Variants in UBE2D4 observed in about 807,000 individuals in gnomAD.
The protein encoded by UBE2D4 is ubiquitin-conjugating enzyme E2 D4.
Under a neutral mutation model 23.0 loss-of-function variants are expected in UBE2D4, and 17 were observed. That is an observed-to-expected ratio of 0.74 (90% confidence interval 0.51 to 1.11). The LOEUF is 1.11. UBE2D4 is among the 50% of genes least tolerant of loss of function. The pLI is 0.00. For synonymous variants in UBE2D4, 61 were observed against 69.4 expected, an observed-to-expected ratio of 0.88 and a Z score of 0.60; for missense variants, 139 against 181.8, an observed-to-expected ratio of 0.76 and a Z score of 1.35.
At chr7:43,930,423 G>T (rs2095942788) in intron 1 of UBE2D4, among the ~76,000 whole-genome samples, 1 of 152,126 alleles carries the variant, frequency 6.6e-6, no homozygotes, top group African/African-American at 2.4e-5. Context: ...GTTTCAAATT[G>T]AATATTTTTA....
intron 1 of UBE2D4, 59 bp from the exon 2 acceptor site, chr7:43,938,372 G>A (rs1012717596): frequency 9.2e-6 from 14 of 1,527,816 alleles, no homozygotes; most frequent in Admixed American, 1.7e-5. Flanking sequence ...ACCAAGATTG[G>A]TATGTAGAGG....
At chr7:43,952,251 T>A (rs990773769) in intron 6 of UBE2D4, 4 of 205,792 alleles carry the variant, frequency 1.9e-5, no homozygotes, top group African/African-American at 6.9e-5. Flanking sequence ...GTAGGCAGAT[T>A]CCCAAGCCCT....
intron 1 of UBE2D4, among the ~76,000 whole-genome samples, chr7:43,938,063 A>G (rs894108547): frequency 6.6e-6 from 1 of 152,008 alleles, no homozygotes; most frequent in African/African-American, 2.4e-5. Flanking sequence ...CTTTTCTTCC[A>G]TATCTTCAGC....
Position 43,942,822 on chromosome 7 carries a change from G to A in UBE2D4, c.89-4G>A, listed in dbSNP as rs1349192122. ...TACATGCCCGTCTCTCTTTTGTTTT[G>A]TAGTGTTCCACTGGCAGGCCACCAT... On this transcript the variant is annotated splice_polypyrimidine_tract_variant and splice_region_variant and intron_variant, in intron 2 of 6. Transcript: ENST00000222402. The A allele has an allele frequency of 2.5e-6, 4 of 1,614,014 alleles. No homozygotes were observed. The African/African-American group carries it at 4.0e-5, about 16-fold the overall frequency.
chr7:43,948,556 G>C (rs1015265412), intron 4 of UBE2D4, 76 bp from the exon 5 acceptor site: 1 of 973,120 alleles, frequency 1.0e-6, no homozygotes, highest in African/African-American at 1.6e-5. Context: ...CCCAGCAGCA[G>C]CTGCTTCTGC....
rs762312888 is a variant in UBE2D4 at position 43,926,524 on chromosome 7, C to A, written c.-9C>A. 2.0e-6 allele frequency: 3 copies of A among 1,532,250 alleles called. No individual in the cohort carries two copies. The highest frequency in any genetic ancestry group is 1.4e-5 in the African/African-American group (1 of 70,298). The allele number at this position is 1,532,250 out of a possible 1,614,324, so 94.9% of individuals were successfully genotyped here. Reference sequence around the variant, plus strand: ...GCCGGGCCGCCCGGGTCCCCGGCAGCGGGGTAGGATGGCGCTAAAGCGGAT... The same window carrying A: ...GCCGGGCCGCCCGGGTCCCCGGCAGAGGGGTAGGATGGCGCTAAAGCGGAT... On this transcript the variant is annotated 5_prime_UTR_variant, in exon 1 of 7. Coordinates refer to ENST00000222402, the MANE Select transcript of UBE2D4 (RefSeq NM_015983.4).
At chr7:43,949,088 C>T (rs2095995432) in intron 5 of UBE2D4, 1 of 365,550 alleles carries the variant, frequency 2.7e-6, no homozygotes, top group Non-Finnish European at 4.9e-6. Context: ...ATCTAATAAG[C>T]ACAAAACGGA....
At position 43,927,502 on chromosome 7, in the gene UBE2D4, G is replaced by A. The variant is rs116873873; in HGVS notation, c.24+946G>A. On this transcript the variant is annotated intron_variant, in intron 1 of 6. Coordinates refer to ENST00000222402, the MANE Select transcript of UBE2D4 (RefSeq NM_015983.4). ...TTATTTTTTGTAGAGACAGTGTCTC[G>A]ATATGTTGCCCAGGCTGGTCTCATA... Among the ~76,000 whole-genome samples, 1,109 of 152,032 alleles carry A rather than the reference G, an allele frequency of 7.3e-3. 52 individuals carry two copies. The East Asian group carries it at 0.096, about 13-fold the overall frequency.
Position 43,952,704 on chromosome 7 carries a change from G to A in UBE2D4, c.*9G>A. On this transcript the variant is annotated 3_prime_UTR_variant, in exon 7 of 7. Coordinates refer to ENST00000222402, the MANE Select transcript of UBE2D4 (RefSeq NM_015983.4). The stretch of plus-strand genomic sequence containing the variant: ...AAAAATATGCTATGTAAGTGCCTTG[G>A]AGGTTTTACATGAGACACTGTCCAA... 1.9e-6 allele frequency: 3 copies of A among 1,611,756 alleles called. No homozygotes were observed. The highest frequency in any genetic ancestry group is 2.5e-6 in the Non-Finnish European group (3 of 1,177,924).
chr7:43,942,457 A>G (rs1302236425), intron 2 of UBE2D4: 3 of 409,252 alleles, frequency 7.3e-6, no homozygotes, highest in Non-Finnish European at 1.4e-5. Context: ...CTGAATACGG[A>G]GGCTCCAGTG....
intron 6 of UBE2D4, chr7:43,952,414 T>C: frequency 4.2e-6 from 2 of 474,080 alleles, no homozygotes; most frequent in South Asian, 2.6e-5. Context: ...CAGATAGTTA[T>C]GGAGAATCAA....
chr7:43,931,830 T>C (rs1043179129), intron 1 of UBE2D4, among the ~76,000 whole-genome samples: 1 of 151,798 alleles, frequency 6.6e-6, no homozygotes, highest in Non-Finnish European at 1.5e-5. Context: ...TCTGGAGTAG[T>C]GTGTGCCACC....
At chr7:43,950,776 T>C in intron 6 of UBE2D4, 84 bp downstream of exon 6, 2 of 1,133,508 alleles carry the variant, frequency 1.8e-6, no homozygotes, top group Non-Finnish European at 2.6e-6. Context: ...CTGGTGCTTC[T>C]AGGCTGCAGG....
At chr7:43,928,041 C>T in intron 1 of UBE2D4, 1 of 454,052 alleles carries the variant, frequency 2.2e-6, no homozygotes, top group Non-Finnish European at 4.4e-6. Context: ...GTGCCAGCAT[C>T]TGCTTCTGGT....
intron 4 of UBE2D4, 116 bp downstream of exon 4, chr7:43,943,147 A>G (rs1296385516): frequency 1.1e-5 from 11 of 993,890 alleles, no homozygotes; most frequent in Non-Finnish European, 1.4e-5. Flanking sequence ...CTGAGGGCCC[A>G]CTGCTCCACC....
chr7:43,948,693 A>C lies in UBE2D4; in HGVS notation c.260A>C (p.Asp87Ala). 1 of 1,613,884 alleles carries C rather than the reference A, an allele frequency of 6.2e-7. No homozygotes were observed. Among genetic ancestry groups the C allele is most frequent in the Non-Finnish European group, 8.5e-7 (1 of 1,179,946 alleles). The change falls in exon 5 of 7, where the codon GAT becomes GCT. Residue 87 changes from aspartate to alanine, a missense_variant. Transcript: ENST00000222402. The part of the protein sequence containing the change: ...NINSNGSICL[D>A]ILRSQWSPAL... ...AACAGCAATGGCAGCATCTGCCTTG[A>C]TATCCTGCGGTCTCAGTGGTCTCCA...
chr7:43,948,583 C>A, intron 4 of UBE2D4, 49 bp from the exon 5 acceptor site: 1 of 1,266,996 alleles, frequency 7.9e-7, no homozygotes, highest in Non-Finnish European at 1.1e-6. Flanking sequence ...TGGTTCATTT[C>A]CCACACGTCC....
At position 43,955,546 on chromosome 7, in the gene UBE2D4, A is replaced by G. The variant is rs1327379607; in HGVS notation, c.*2851A>G. The G allele has an allele frequency of 6.6e-6, 1 of 152,226 alleles. No homozygotes were observed. The highest frequency in any genetic ancestry group is 2.1e-4 in the South Asian group (1 of 4,834). 9.4% of individuals were successfully genotyped at this position (152,226 alleles called of 1,614,324 possible). On this transcript the variant is annotated 3_prime_UTR_variant, in exon 7 of 7. Coordinates refer to ENST00000222402, the MANE Select transcript of UBE2D4 (RefSeq NM_015983.4). The stretch of plus-strand genomic sequence containing the variant: ...ACAGGCCTGGTAGCTCACAGCTATC[A>G]ACACCCTAGAATTCCACACTGCCTC...
At chr7:43,932,984 G>GTATATATATATATA (rs57093593) in intron 1 of UBE2D4, among the ~76,000 whole-genome samples, 16 of 85,808 alleles carry the variant, frequency 1.9e-4, no homozygotes, top group African/African-American at 4.8e-4. Flanking sequence ...AAATGTTAAA[G>GTATATATATATATA]TATATATATA....
Sources: gnomAD v4.1 joint callset for allele counts (sites outside exome capture counted in the v4.1 genomes callset) on GRCh38, gnomAD v4.1.1 for gene constraint, MANE v1.5 for transcripts, NCBI Gene and HGNC (gene_info 2026-07-23, HGNC 2026-07-21) for gene names.